ZC3H12B: variants seen among roughly 807,000 people sequenced by gnomAD.
ZC3H12B encodes probable ribonuclease ZC3H12B.
A neutral mutation model predicts 43.9 loss-of-function variants in ZC3H12B; 7 were observed. The observed-to-expected ratio is 0.16, with a 90% CI of 0.09 to 0.30. The LOEUF (loss-of-function observed/expected upper bound fraction) is 0.30, where lower values mean the gene tolerates loss of function less well. ZC3H12B is among the 10% of genes least tolerant of loss of function. The probability of loss-of-function intolerance (pLI) is 1.00; values close to 1 mark genes in which losing one functional copy is unlikely to be tolerated. For missense variants in ZC3H12B, 475 were observed against 670.2 expected, an observed-to-expected ratio of 0.71 and a Z score of 3.22; for synonymous variants, 222 against 241.7, an observed-to-expected ratio of 0.92 and a Z score of 0.76.
the ZC3H12B span, among the ~76,000 whole-genome samples, chrX:65,148,663 C>T: frequency 9.0e-6 from 1 of 111,577 alleles, no homozygotes; most frequent in Non-Finnish European, 1.9e-5. Flanking sequence ...GCATCTCTCC[C>T]TGTGCGCTAT....
intron 3 of ZC3H12B, among the ~76,000 whole-genome samples, chrX:65,404,205 G>A (rs1445498907): frequency 9.0e-6 from 1 of 111,334 alleles, no homozygotes; most frequent in Non-Finnish European, 1.9e-5. Flanking sequence ...AAGCCTCACA[G>A]TAACCTCAAA....
At chrX:65,465,908 A>G (rs949359796) in intron 3 of ZC3H12B, among the ~76,000 whole-genome samples, 3 of 110,356 alleles carry the variant, frequency 2.7e-5, no homozygotes, top group African/African-American at 9.8e-5. Flanking sequence ...TTGATATAAT[A>G]TATTCATATA....
At chrX:65,296,061 C>T in the ZC3H12B span, among the ~76,000 whole-genome samples, 2 of 112,062 alleles carry the variant, frequency 1.8e-5, no homozygotes, top group Non-Finnish European at 3.8e-5. Flanking sequence ...CCTGCACATG[C>T]ATGATTATAG....
the ZC3H12B span, among the ~76,000 whole-genome samples, chrX:65,361,452 A>T: frequency 3.4e-4 from 38 of 112,569 alleles, no homozygotes; most frequent in South Asian, 0.014. Context: ...TAATGCCTTC[A>T]AATTGGAACA....
chrX:65,334,602 C>T, the ZC3H12B span, among the ~76,000 whole-genome samples: 1 of 111,733 alleles, frequency 8.9e-6, no homozygotes, highest in Non-Finnish European at 1.9e-5. Flanking sequence ...ATAAACATCA[C>T]ACACACAACA....
chrX:65,152,267 A>C, the ZC3H12B span, among the ~76,000 whole-genome samples: 1 of 111,708 alleles, frequency 9.0e-6, no homozygotes, highest in Non-Finnish European at 1.9e-5. Flanking sequence ...AAGGGTATTC[A>C]ACTAGGAAAA....
chrX:65,468,569 C>T (rs1162175006), intron 3 of ZC3H12B, among the ~76,000 whole-genome samples: 6 of 104,476 alleles, frequency 5.7e-5, no homozygotes, highest in South Asian at 9.0e-4. Flanking sequence ...CTGCAAGCTC[C>T]GCCTCCCAGG....
chrX:65,191,864 G>T, the ZC3H12B span, among the ~76,000 whole-genome samples: 1 of 103,102 alleles, frequency 9.7e-6, no homozygotes, highest in Non-Finnish European at 2.0e-5. Context: ...GTTTGCTCTT[G>T]CTTTTCTAGT....
At chrX:65,136,064 G>C in the ZC3H12B span, among the ~76,000 whole-genome samples, 11 of 111,228 alleles carry the variant, frequency 9.9e-5, no homozygotes, top group Non-Finnish European at 1.9e-4. Flanking sequence ...TAAAATTCTG[G>C]TTGAGACCTT....
At chrX:65,383,199 A>G (rs1321091941) in intron 2 of ZC3H12B, among the ~76,000 whole-genome samples, 1 of 112,093 alleles carries the variant, frequency 8.9e-6, no homozygotes. Context: ...CTGACTTCCA[A>G]CAATACTACA....
chrX:65,409,802 G>T (rs2066881279), intron 3 of ZC3H12B, among the ~76,000 whole-genome samples: 1 of 111,146 alleles, frequency 9.0e-6, no homozygotes, highest in African/African-American at 3.3e-5. Context: ...ACTGATGAAA[G>T]AAATTGAAGA....
the ZC3H12B span, among the ~76,000 whole-genome samples, chrX:65,113,875 A>G: frequency 3.8e-5 from 4 of 105,487 alleles, no homozygotes; most frequent in Admixed American, 1.1e-4. Flanking sequence ...TAGTATAAAA[A>G]TAACTTCTGT....
the ZC3H12B span, among the ~76,000 whole-genome samples, chrX:65,057,756 A>G: frequency 9.0e-6 from 1 of 111,532 alleles, no homozygotes; most frequent in Non-Finnish European, 1.9e-5. Flanking sequence ...ATATAGTCCC[A>G]TATTTCTTGG....
At chrX:65,249,796 AT>A in the ZC3H12B span, among the ~76,000 whole-genome samples, 4,226 of 48,855 alleles carry the variant, frequency 0.087, 260 homozygotes, top group African/African-American at 0.27. Flanking sequence ...ATTCCTAAGT[AT>A]TTTTTTTTTT....
At chrX:65,216,389 C>A in the ZC3H12B span, among the ~76,000 whole-genome samples, 2 of 111,157 alleles carry the variant, frequency 1.8e-5, no homozygotes, top group Admixed American at 1.9e-4. Flanking sequence ...CAACACTGGG[C>A]AGAACTTTGC....
intron 2 of ZC3H12B, among the ~76,000 whole-genome samples, chrX:65,393,078 T>C (rs2066648349): frequency 9.0e-6 from 1 of 110,711 alleles, no homozygotes; most frequent in Admixed American, 9.6e-5. Flanking sequence ...CACCACTCCC[T>C]AATCTCAAGT....
chrX:65,061,413 G>A, the ZC3H12B span, among the ~76,000 whole-genome samples: 159 of 112,011 alleles, frequency 1.4e-3, 1 homozygote, highest in Non-Finnish European at 8.3e-4. Context: ...GAGAACATGC[G>A]GTGTATGGTT....
At chrX:65,253,614 C>G in the ZC3H12B span, among the ~76,000 whole-genome samples, 1 of 106,241 alleles carries the variant, frequency 9.4e-6, no homozygotes, top group Non-Finnish European at 1.9e-5. Flanking sequence ...GAGATGTGAC[C>G]CCTTCTACCT....
the ZC3H12B span, among the ~76,000 whole-genome samples, chrX:65,166,754 GTA>G: frequency 2.7e-5 from 3 of 111,840 alleles, no homozygotes. Context: ...GTGTGAGATG[GTA>G]TCTCATTGTG....
Sources: allele counts gnomAD v4.1 joint callset (sites outside exome capture counted in the v4.1 genomes callset), GRCh38; gene constraint gnomAD v4.1.1; transcripts MANE v1.5; gene names NCBI Gene and HGNC (gene_info 2026-07-23, HGNC 2026-07-21).